Variants in LRP1B observed in about 807,000 individuals in gnomAD.
The protein encoded by LRP1B is LDL receptor related protein 1B, also known as low-density lipoprotein receptor-related protein 1B.
Under a neutral mutation model 556.6 loss-of-function variants are expected in LRP1B, and 217 were observed. The ratio of observed to expected loss-of-function variants is 0.39; its 90% CI spans 0.35 to 0.44. LRP1B has a LOEUF of 0.44. LRP1B is among the 20% of genes least tolerant of loss of function. The pLI is 1.00. For synonymous variants in LRP1B, 2,047 were observed against 1,865.8 expected (o/e 1.10, Z -2.50); for missense variants, 5,053 against 5,620.8 (o/e 0.90, Z 3.23).
chr2:140,435,685 A>C (rs768407825), intron 66 of LRP1B, among the ~76,000 whole-genome samples: 1 of 152,088 alleles, frequency 6.6e-6, no homozygotes, highest in Non-Finnish European at 1.5e-5. Flanking sequence ...AAAAAAAAGA[A>C]AGAAACATCA....
intron 51 of LRP1B, among the ~76,000 whole-genome samples, chr2:140,512,183 C>A (rs1689694911): frequency 6.6e-6 from 1 of 152,086 alleles, no homozygotes; most frequent in African/African-American, 2.4e-5. Flanking sequence ...GTCTGAATTA[C>A]CCTATCTTTA....
chr2:141,676,160 T>C (rs1011881774), intron 2 of LRP1B, among the ~76,000 whole-genome samples: 3 of 152,106 alleles, frequency 2.0e-5, no homozygotes, highest in African/African-American at 7.2e-5. Context: ...GTTTTTGTAA[T>C]GTGATATTAT....
chr2:140,335,910 T>A, intron 77 of LRP1B, 72 bp from the exon 78 acceptor site: 1 of 913,824 alleles, frequency 1.1e-6, no homozygotes, highest in South Asian at 1.4e-5. Context: ...TATCTTTACA[T>A]TGAAGTTATG....
At chr2:141,127,160 A>G (rs1701236203) in intron 7 of LRP1B, among the ~76,000 whole-genome samples, 1 of 152,124 alleles carries the variant, frequency 6.6e-6, no homozygotes, top group Admixed American at 6.6e-5. Flanking sequence ...GCCAGTCATT[A>G]GAGAAATGCA....
intron 2 of LRP1B, among the ~76,000 whole-genome samples, chr2:141,485,676 C>T (rs972691009): frequency 2.0e-5 from 3 of 152,106 alleles, no homozygotes; most frequent in East Asian, 3.9e-4. Flanking sequence ...TCCCATGAAG[C>T]TCCTTACAGA....
At chr2:141,064,210 G>A (rs569963055) in intron 7 of LRP1B, among the ~76,000 whole-genome samples, 7 of 151,670 alleles carry the variant, frequency 4.6e-5, no homozygotes, top group Admixed American at 1.3e-4. Context: ...TGGCTGACTG[G>A]GTCAATCACT....
intron 11 of LRP1B, among the ~76,000 whole-genome samples, chr2:141,039,093 C>T (rs1698622628): frequency 6.6e-6 from 1 of 152,000 alleles, no homozygotes; most frequent in African/African-American, 2.4e-5. Flanking sequence ...TTCTGAGTAA[C>T]ATTTTGAAAC....
chr2:140,500,588 G>A lies in LRP1B; in HGVS notation c.8850+1099C>T, dbSNP rs140379745. On this transcript the variant is annotated intron_variant, in intron 55 of 90. Transcript: ENST00000389484. ...TTCTGCCTTGTATTGAACAGAAACT[G>A]CTTTCCAACTCTTAATTCCGATCTT... Among the ~76,000 whole-genome samples the A allele has an allele frequency of 1.8e-3, 279 of 152,046 alleles. 1 individual carries two copies. The highest frequency in any genetic ancestry group is 6.3e-3 in the African/African-American group (262 of 41,540).
intron 7 of LRP1B, among the ~76,000 whole-genome samples, chr2:141,142,413 T>C (rs1297851935): frequency 2.0e-5 from 3 of 152,200 alleles, no homozygotes; most frequent in Non-Finnish European, 4.4e-5. Flanking sequence ...TGAAAGGTCC[T>C]TTCTTCCCTA....
chr2:141,068,426 T>C (rs1238626571), intron 7 of LRP1B, among the ~76,000 whole-genome samples: 3 of 151,866 alleles, frequency 2.0e-5, no homozygotes, highest in Admixed American at 6.6e-5. Flanking sequence ...GGCCCAAAGA[T>C]TGGTCGGACC....
intron 5 of LRP1B, among the ~76,000 whole-genome samples, chr2:141,235,483 G>T (rs1244365152): frequency 2.6e-5 from 4 of 152,114 alleles, no homozygotes; most frequent in Admixed American, 6.6e-5. Context: ...GTTTCCTGAT[G>T]GTGTTGGTAT....
intron 8 of LRP1B, 52 bp from the exon 9 acceptor site, chr2:141,059,106 T>C (rs1193370319): frequency 9.9e-6 from 12 of 1,208,252 alleles, no homozygotes; most frequent in Non-Finnish European, 1.3e-5. Context: ...AGCTTGCAAT[T>C]TGAAAGAAAA....
intron 1 of LRP1B, among the ~76,000 whole-genome samples, chr2:142,081,717 G>A (rs143698002): frequency 1.3e-5 from 2 of 152,082 alleles, no homozygotes; most frequent in Non-Finnish European, 2.9e-5. Flanking sequence ...GGGCTCAAGC[G>A]ATCCTCCTGC....
At chr2:141,157,832 A>AT (rs1417680950) in intron 7 of LRP1B, among the ~76,000 whole-genome samples, 3 of 152,132 alleles carry the variant, frequency 2.0e-5, no homozygotes, top group Non-Finnish European at 4.4e-5. Flanking sequence ...TCACTAAGCT[A>AT]TTTTACCTTT....
intron 11 of LRP1B, among the ~76,000 whole-genome samples, chr2:141,032,217 C>T (rs184391250): frequency 0.01 from 1,570 of 152,138 alleles, 29 homozygotes; most frequent in African/African-American, 0.034. Context: ...TATAGCTCTA[C>T]CTCATTCATT....
chr2:140,379,702 A>G lies in LRP1B; in HGVS notation c.10532-1416T>C, dbSNP rs182672441. Among the ~76,000 whole-genome samples the G allele has an allele frequency of 1.9e-3, 285 of 152,284 alleles. 1 individual carries two copies. The highest frequency in any genetic ancestry group is 3.0e-3 in the Non-Finnish European group (201 of 68,024). ...AAAGCAAGACTGTGCTTCGGAAAAG[A>G]AAAAAAGAAAAGAAACCCTTCAGAA... On this transcript the variant is annotated intron_variant, in intron 67 of 90. Transcript: ENST00000389484.
intron 84 of LRP1B, among the ~76,000 whole-genome samples, chr2:140,286,614 G>T (rs550984174): frequency 3.4e-4 from 51 of 151,950 alleles, no homozygotes; most frequent in African/African-American, 1.2e-3. Context: ...AGTAAGCCCA[G>T]TCATAAAACT....
chr2:141,153,473 AAT>A lies in LRP1B; in HGVS notation c.1013+34946_1013+34947del, dbSNP rs538879752. ...AGCTATATATTTATATATAATAAAT[AAT>A]ATATATATTAGCTATATATATTTAT... On this transcript the variant is annotated intron_variant, in intron 7 of 90. Transcript: ENST00000389484. Among the ~76,000 whole-genome samples the A allele has an allele frequency of 2.2e-3, 249 of 113,820 alleles. 1 individual carries two copies. Among genetic ancestry groups the A allele is most frequent in the Middle Eastern group, 4.6e-3 (1 of 218 alleles). 74.7% of individuals were successfully genotyped at this position (113,820 alleles called of 152,430 possible). A position where few individuals can be genotyped will look rare whatever the true frequency, so the allele number is the denominator to read the frequency against.
intron 2 of LRP1B, among the ~76,000 whole-genome samples, chr2:141,654,493 A>G (rs1432257513): frequency 6.6e-6 from 1 of 152,148 alleles, no homozygotes; most frequent in East Asian, 1.9e-4. Flanking sequence ...GAGCAGACTC[A>G]GGGTCTGGAG....
Sources: gnomAD v4.1 joint callset for allele counts (sites outside exome capture counted in the v4.1 genomes callset) on GRCh38, gnomAD v4.1.1 for gene constraint, MANE v1.5 for transcripts, NCBI Gene and HGNC (gene_info 2026-07-23, HGNC 2026-07-21) for gene names.